EPHB1: variants seen among roughly 807,000 people sequenced by gnomAD.
EPHB1 encodes ephrin type-B receptor 1.
Under a neutral mutation model 94.4 loss-of-function variants are expected in EPHB1, and 30 were observed. The ratio of observed to expected loss-of-function variants is 0.32; its 90% CI spans 0.24 to 0.43. EPHB1 has a LOEUF of 0.43. EPHB1 is among the 20% of genes least tolerant of loss of function. The pLI, the probability that EPHB1 is intolerant of heterozygous loss-of-function variation, is 1.00. For missense variants in EPHB1, 1,055 were observed against 1,308.3 expected (o/e 0.81, Z 2.99); for synonymous variants, 522 against 489.1 (o/e 1.07, Z -0.89).
intron 12 of EPHB1, among the ~76,000 whole-genome samples, chr3:135,216,450 C>T (rs1019176412): frequency 5.3e-5 from 8 of 151,764 alleles, no homozygotes; most frequent in Admixed American, 1.3e-4. Context: ...GAGCCGGGCA[C>T]GGTGGCTCAT....
chr3:134,941,982 T>C (rs1312761975), intron 2 of EPHB1, among the ~76,000 whole-genome samples: 3 of 152,246 alleles, frequency 2.0e-5, no homozygotes, highest in African/African-American at 7.2e-5. Flanking sequence ...TACTTTCTAA[T>C]GGATGTCACT....
chr3:134,968,923 G>A (rs1559776333), intron 3 of EPHB1, among the ~76,000 whole-genome samples: 1 of 152,202 alleles, frequency 6.6e-6, no homozygotes, highest in South Asian at 2.1e-4. Flanking sequence ...GTATTTCATT[G>A]TATGGATGTA....
At chr3:134,917,746 C>T (rs566018677) in intron 1 of EPHB1, among the ~76,000 whole-genome samples, 2 of 152,332 alleles carry the variant, frequency 1.3e-5, no homozygotes, top group African/African-American at 4.8e-5. Context: ...TTTCCTCAGG[C>T]TTGTTTCTTC....
chr3:135,249,998 T>C (rs1933000763), intron 15 of EPHB1, among the ~76,000 whole-genome samples: 1 of 152,150 alleles, frequency 6.6e-6, no homozygotes, highest in Admixed American at 6.5e-5. Flanking sequence ...CAAAATAAAA[T>C]TATTCAAATA....
At chr3:134,954,521 T>G (rs1170090146) in intron 3 of EPHB1, among the ~76,000 whole-genome samples, 1 of 152,150 alleles carries the variant, frequency 6.6e-6, no homozygotes, top group Non-Finnish European at 1.5e-5. Flanking sequence ...AACAGAGAAT[T>G]GCAGGTGAGA....
chr3:134,958,928 G>A (rs988694320), intron 3 of EPHB1, among the ~76,000 whole-genome samples: 8 of 152,160 alleles, frequency 5.3e-5, no homozygotes, highest in Non-Finnish European at 1.0e-4. Context: ...CTGCCTTTGA[G>A]ACACAGGGCT....
chr3:134,848,631 T>G (rs2036920766), intron 1 of EPHB1, among the ~76,000 whole-genome samples: 1 of 152,180 alleles, frequency 6.6e-6, no homozygotes, highest in African/African-American at 2.4e-5. Flanking sequence ...GCCATTATGG[T>G]GCTGGTGTGA....
At position 135,259,422 on chromosome 3, in the gene EPHB1, T is replaced by C. The variant is rs6786165; in HGVS notation, c.*302T>C. ...AGAACAAGAGTAAACCCAGCTCCCA[T>C]TCTCAGTGGGCTGCAGTTGCCCAAC... On this transcript the variant is annotated 3_prime_UTR_variant, in exon 16 of 16. Coordinates refer to ENST00000398015, the MANE Select transcript of EPHB1 (RefSeq NM_004441.5). The C allele has an allele frequency of 0.97, 231,041 of 238,990 alleles. 112,147 individuals are homozygous for C. Among genetic ancestry groups the C allele is most frequent in the East Asian group, 1 (15,932 of 15,932 alleles). 14.8% of individuals were successfully genotyped at this position (238,990 alleles called of 1,614,324 possible).
intron 3 of EPHB1, among the ~76,000 whole-genome samples, chr3:135,091,995 C>T (rs1043079317): frequency 1.1e-4 from 16 of 152,008 alleles, no homozygotes; most frequent in Admixed American, 2.6e-4. Context: ...TTTTTTTAAA[C>T]GGAATCCATT....
chr3:134,988,168 G>C (rs1402799576), intron 3 of EPHB1, among the ~76,000 whole-genome samples: 1 of 152,188 alleles, frequency 6.6e-6, no homozygotes, highest in Non-Finnish European at 1.5e-5. Context: ...TTGATCTCCT[G>C]TCTGAGCCAG....
intron 1 of EPHB1, among the ~76,000 whole-genome samples, chr3:134,838,691 T>C (rs1314790640): frequency 6.6e-6 from 1 of 152,216 alleles, no homozygotes; most frequent in Non-Finnish European, 1.5e-5. Context: ...CCTTTATTGC[T>C]CTTTGAAAAT....
chr3:135,174,078 A>C (rs1941899067), intron 9 of EPHB1, among the ~76,000 whole-genome samples: 1 of 152,164 alleles, frequency 6.6e-6, no homozygotes, highest in African/African-American at 2.4e-5. Flanking sequence ...ATTACATAAC[A>C]ACCTCATAGC....
intron 5 of EPHB1, among the ~76,000 whole-genome samples, chr3:135,137,249 G>C (rs578238017): frequency 4.6e-5 from 7 of 152,316 alleles, no homozygotes; most frequent in Admixed American, 1.3e-4. Flanking sequence ...GCAATAGAGA[G>C]TGGTGGGGAC....
chr3:134,829,358 G>A (rs1282167167), intron 1 of EPHB1, among the ~76,000 whole-genome samples: 1 of 152,076 alleles, frequency 6.6e-6, no homozygotes, highest in Non-Finnish European at 1.5e-5. Flanking sequence ...TGGTTGAGTG[G>A]AGGACTCTCT....
Position 135,165,961 on chromosome 3 carries a change from C to G in EPHB1, c.1586-7C>G, listed in dbSNP as rs1264058110. The G allele has an allele frequency of 1.9e-6, 3 of 1,612,286 alleles. No homozygotes were observed. The highest frequency in any genetic ancestry group is 2.5e-6 in the Non-Finnish European group (3 of 1,178,358). On this transcript the variant is annotated splice_polypyrimidine_tract_variant and splice_region_variant and intron_variant, in intron 7 of 15. Coordinates refer to ENST00000398015, the MANE Select transcript of EPHB1 (RefSeq NM_004441.5). ...GGGGAGGATTCTAATGCCTCTTTCT[C>G]ACCTAGATGATTACAAGTCAGAGCT...
chr3:134,820,608 G>T (rs569142327), intron 1 of EPHB1, among the ~76,000 whole-genome samples: 1 of 152,248 alleles, frequency 6.6e-6, no homozygotes, highest in South Asian at 2.1e-4. Context: ...AATAATTAGA[G>T]CTCAAGCAAT....
At chr3:135,052,907 ATATG>A (rs1198037864) in intron 3 of EPHB1, among the ~76,000 whole-genome samples, 1,102 of 98,328 alleles carry the variant, frequency 0.011, 85 homozygotes, top group African/African-American at 0.058. Flanking sequence ...ATATATATAT[ATATG>A]TGTGTGTGTG....
At chr3:134,922,759 A>G (rs1166667680) in intron 1 of EPHB1, among the ~76,000 whole-genome samples, 1 of 152,164 alleles carries the variant, frequency 6.6e-6, no homozygotes, top group African/African-American at 2.4e-5. Flanking sequence ...GCCAGACCCC[A>G]GAGCTTCAGC....
At chr3:135,198,082 G>A (rs1576462949) in intron 11 of EPHB1, among the ~76,000 whole-genome samples, 1 of 113,530 alleles carries the variant, frequency 8.8e-6, no homozygotes, top group African/African-American at 2.6e-5. Flanking sequence ...CAAAAGCACA[G>A]GATAGGAGTT....
Sources: gnomAD v4.1 joint callset for allele counts (sites outside exome capture counted in the v4.1 genomes callset) on GRCh38, gnomAD v4.1.1 for gene constraint, MANE v1.5 for transcripts, NCBI Gene and HGNC (gene_info 2026-07-23, HGNC 2026-07-21) for gene names.